The following SLIT1 variants were observed in gnomAD, a reference collection of about 807,000 sequenced individuals.
SLIT1 encodes slit homolog 1 protein.
Under a neutral mutation model 186.1 loss-of-function variants are expected in SLIT1, and 66 were observed. The ratio of observed to expected loss-of-function variants is 0.35; its 90% confidence interval spans 0.29 to 0.44. SLIT1 has a LOEUF of 0.44. SLIT1 is among the 20% of genes least tolerant of loss of function. The pLI is 1.00. For synonymous variants in SLIT1, 761 were observed against 833.8 expected (o/e 0.91, Z 1.50); for missense variants, 1,638 against 2,037.4 (o/e 0.80, Z 3.77).
At chr10:97,161,865 T>C (rs1190342127) in intron 3 of SLIT1, among the ~76,000 whole-genome samples, 2 of 152,226 alleles carry the variant, frequency 1.3e-5, no homozygotes, top group East Asian at 3.8e-4. Flanking sequence ...TCCCCTCTTC[T>C]GTACAACTGG....
chr10:97,140,513 T>A (rs1017316300), intron 4 of SLIT1, among the ~76,000 whole-genome samples: 1 of 152,158 alleles, frequency 6.6e-6, no homozygotes, highest in East Asian at 1.9e-4. Flanking sequence ...CTGGAGCCCC[T>A]CATTCTCCAT....
At chr10:97,136,199 C>G (rs1849701942) in intron 4 of SLIT1, among the ~76,000 whole-genome samples, 1 of 152,144 alleles carries the variant, frequency 6.6e-6, no homozygotes, top group Non-Finnish European at 1.5e-5. Context: ...CACCTTGTCC[C>G]CTCATCCACT....
chr10:97,059,423 C>T (rs749894396), intron 11 of SLIT1, 37 bp downstream of exon 11: 5 of 1,575,650 alleles, frequency 3.2e-6, no homozygotes, highest in Non-Finnish European at 2.6e-6. Flanking sequence ...CAGGGGATGC[C>T]CTGGGCCACT....
chr10:97,018,645 A>G lies in SLIT1; in HGVS notation c.2910T>C (p.Ser970=), dbSNP rs1848475245. 6.3e-7 allele frequency: 1 copy of G among 1,595,638 alleles called. No homozygotes were observed. The highest frequency in any genetic ancestry group is 8.5e-7 in the Non-Finnish European group (1 of 1,171,392). The change falls in exon 28 of 37, where the codon AGT becomes AGC. Residue 970 remains serine, a synonymous_variant. Coordinates refer to ENST00000266058, the MANE Select transcript of SLIT1 (RefSeq NM_003061.3). ...DCEVSLDSCS[S]GPCENGGTCH... Reference sequence around the variant, plus strand: ...AGGTGCCCCCATTTTCACAGGGGCCACTGGAACAGCTGTCCAGGGACACCT... The same window carrying G: ...AGGTGCCCCCATTTTCACAGGGGCCGCTGGAACAGCTGTCCAGGGACACCT...
intron 4 of SLIT1, among the ~76,000 whole-genome samples, chr10:97,067,475 T>A (rs1183422229): frequency 6.6e-6 from 1 of 152,154 alleles, no homozygotes; most frequent in Non-Finnish European, 1.5e-5. Flanking sequence ...GTGGATACTA[T>A]CACCATCCCC....
chr10:97,069,849 G>T (rs1183811828), intron 4 of SLIT1, among the ~76,000 whole-genome samples: 1 of 152,114 alleles, frequency 6.6e-6, no homozygotes, highest in African/African-American at 2.4e-5. Flanking sequence ...CTGAATGTGG[G>T]CAGGACTCAG....
At position 97,042,986 on chromosome 10, in the gene SLIT1, C is replaced by T. The variant is rs749644173; in HGVS notation, c.2079G>A (p.Thr693=). Residue 693 remains threonine, a synonymous_variant, in exon 20 of 37, where the codon ACG becomes ACA. Coordinates refer to ENST00000266058, the MANE Select transcript of SLIT1 (RefSeq NM_003061.3). ...CAGGGTTCTGGCATCGCGGGTTCCC[C>T]GTCACGATCTTGCGCTTCCGTAGCC... The part of the protein sequence containing the change: ...GGWLRKRKIV[T]GNPRCQNPDF... 3.3e-5 allele frequency: 54 copies of T among 1,614,120 alleles called. No homozygotes were observed. Among genetic ancestry groups the T allele is most frequent in the African/African-American group, 1.1e-4 (8 of 74,938 alleles).
chr10:97,133,122 A>G (rs1030797522), intron 4 of SLIT1, among the ~76,000 whole-genome samples: 1 of 152,204 alleles, frequency 6.6e-6, no homozygotes, highest in Non-Finnish European at 1.5e-5. Flanking sequence ...GCGTCCATCC[A>G]CAGTTGAATG....
chr10:97,136,041 T>C (rs1236278416), intron 4 of SLIT1, among the ~76,000 whole-genome samples: 1 of 152,142 alleles, frequency 6.6e-6, no homozygotes. Context: ...TAACTTGAGA[T>C]GTCAGCATCT....
intron 4 of SLIT1, among the ~76,000 whole-genome samples, chr10:97,135,711 G>T (rs777795839): frequency 5.7e-4 from 86 of 152,196 alleles, no homozygotes; most frequent in Non-Finnish European, 1.1e-3. Context: ...CAGCGGGGCT[G>T]CTCAGTCAAG....
intron 4 of SLIT1, chr10:97,157,431 G>A (rs1849966290): frequency 4.6e-6 from 1 of 216,020 alleles, no homozygotes; most frequent in Non-Finnish European, 9.1e-6. Flanking sequence ...TTCAAGAAGG[G>A]CTTAGTTGAA....
chr10:97,071,407 G>T (rs910356864), intron 4 of SLIT1, among the ~76,000 whole-genome samples: 1 of 152,178 alleles, frequency 6.6e-6, no homozygotes, highest in Admixed American at 6.5e-5. Context: ...GCCTGGGAAG[G>T]AACGCTGGGC....
Position 97,060,801 on chromosome 10 carries a change from G to A in SLIT1, c.794-14C>T. ...CTTCTCCCTGGCCTGCAGAAACAGG[G>A]GGGTGTGGCCTCAGGCTGTCATGCA... On this transcript the variant is annotated splice_polypyrimidine_tract_variant and intron_variant, in intron 8 of 36. Transcript: ENST00000266058. 6.3e-7 allele frequency: 1 copy of A among 1,577,764 alleles called. No individual in the cohort carries two copies. The highest frequency in any genetic ancestry group is 8.6e-7 in the Non-Finnish European group (1 of 1,162,008).
rs762027326 is a variant in SLIT1, at chr10:97,064,791, C to T, written c.557+14G>A. ...CCCTCCACACCCCTCCTTCCTTTTCCATGCTTTACTTACAGCACCTCCAGC... is the reference window on the plus strand; with the variant it reads ...CCCTCCACACCCCTCCTTCCTTTTCTATGCTTTACTTACAGCACCTCCAGC... On this transcript the variant is annotated intron_variant, in intron 6 of 36. Transcript: ENST00000266058. 6.3e-7 allele frequency: 1 copy of T among 1,598,316 alleles called. No individual in the cohort carries two copies. Among genetic ancestry groups the T allele is most frequent in the Non-Finnish European group, 8.5e-7 (1 of 1,171,276 alleles).
At chr10:97,051,117 G>A (rs1303290414) in intron 13 of SLIT1, among the ~76,000 whole-genome samples, 2 of 152,212 alleles carry the variant, frequency 1.3e-5, no homozygotes, top group African/African-American at 4.8e-5. Flanking sequence ...GATTCTCAGT[G>A]TCTTTGTAGA....
intron 4 of SLIT1, among the ~76,000 whole-genome samples, chr10:97,077,346 T>C (rs1007392025): frequency 5.9e-5 from 9 of 152,166 alleles, no homozygotes; most frequent in Admixed American, 5.2e-4. Flanking sequence ...CTGCGGTCCT[T>C]TGAGTGGCAA....
chr10:97,019,305 C>T (rs958368992), intron 26 of SLIT1, among the ~76,000 whole-genome samples, 198 bp from the exon 27 acceptor site: 1 of 152,216 alleles, frequency 6.6e-6, no homozygotes, highest in African/African-American at 2.4e-5. Context: ...GGGTTAATGA[C>T]AGCCCCTCCC....
At position 97,063,321 on chromosome 10, in the gene SLIT1, G is replaced by A. The variant is rs1427045642; in HGVS notation, c.793+134C>T. The A allele has an allele frequency of 9.9e-6, 9 of 912,378 alleles. No homozygotes were observed. In the East Asian group the frequency reaches 2.2e-4, roughly 22 times the overall value. 56.5% of individuals were successfully genotyped at this position (912,378 alleles called of 1,614,324 possible). On this transcript the variant is annotated intron_variant, in intron 8 of 36. Coordinates refer to ENST00000266058, the MANE Select transcript of SLIT1 (RefSeq NM_003061.3). ...GTGATGGGCAGGGTCAGGAGGTGAT[G>A]GGTGGGGCCAGGTGATGGGCGGGGT...
intron 13 of SLIT1, among the ~76,000 whole-genome samples, chr10:97,051,225 C>T (rs1442357312): frequency 6.6e-6 from 1 of 150,572 alleles, no homozygotes; most frequent in Non-Finnish European, 1.5e-5. Context: ...AATGAGATAC[C>T]ACTTCACACC....
Sources: gnomAD v4.1 joint callset for allele counts (sites outside exome capture counted in the v4.1 genomes callset) on GRCh38, gnomAD v4.1.1 for gene constraint, MANE v1.5 for transcripts, NCBI Gene and HGNC (gene_info 2026-07-23, HGNC 2026-07-21) for gene names.